The following ADARB2 variants were observed in gnomAD, a reference collection of about 807,000 sequenced individuals.
ADARB2 encodes inactive double-stranded RNA-specific editase B2.
In ADARB2, 25 loss-of-function variants were observed where a neutral mutation model predicts 62.2. The observed-to-expected ratio is 0.40, with a 90% CI of 0.29 to 0.56. The LOEUF (loss-of-function observed/expected upper bound fraction) is 0.56. Ranked by LOEUF, ADARB2 falls within the 20% of genes least tolerant of loss-of-function variation. ADARB2 has a pLI of 0.43. For missense variants in ADARB2, 1,071 were observed against 1,077.4 expected (o/e 0.99, Z 0.08); for synonymous variants, 572 against 500.8 (o/e 1.14, Z -1.90).
In ADARB2 at chr10:1,661,337, C is replaced by T. The variant is rs189684570; in HGVS notation, c.100+75714G>A. 3.4e-4 allele frequency among the ~76,000 whole-genome samples: 52 copies of T among 152,276 alleles called. No homozygotes were observed. In the East Asian group the frequency reaches 5.6e-3, roughly 16 times the overall value. On this transcript the variant is annotated intron_variant, in intron 1 of 9. Transcript: ENST00000381312. ...TAGCTAGAGGGAGGGTGGGTTTCCA[C>T]GGTTTCCTGAGTCACAGATGGCCTA...
intron 1 of ADARB2, chr10:1,678,439 T>G: frequency 1.4e-6 from 1 of 695,182 alleles, no homozygotes; most frequent in Non-Finnish European, 1.8e-6. Flanking sequence ...CTCAGGACAG[T>G]AACGAACACA....
At chr10:1,632,100 T>G (rs887579336) in intron 1 of ADARB2, among the ~76,000 whole-genome samples, 1 of 152,246 alleles carries the variant, frequency 6.6e-6, no homozygotes, top group African/African-American at 2.4e-5. Context: ...TGTTTTTAGC[T>G]AATATTTAAG....
rs528142698 is a variant in ADARB2 at position 1,387,817 on chromosome 10, A to G, written c.101-8657T>C. On this transcript the variant is annotated intron_variant, in intron 1 of 9. Coordinates refer to ENST00000381312, the MANE Select transcript of ADARB2 (RefSeq NM_018702.4). The stretch of plus-strand genomic sequence containing the variant: ...TATAAGAAAAAAAACCTACAGACCC[A>G]TGGTCCTCACGAGCAGATGAGTTTT... 2.6e-5 allele frequency among the ~76,000 whole-genome samples: 4 copies of G among 152,156 alleles called. No individual in the cohort carries two copies. In the East Asian group the frequency reaches 7.7e-4, roughly 29 times the overall value.
chr10:1,243,631 A>C (rs780319667), intron 4 of ADARB2, among the ~76,000 whole-genome samples: 1 of 152,214 alleles, frequency 6.6e-6, no homozygotes, highest in Non-Finnish European at 1.5e-5. Context: ...AGCAGCTACC[A>C]GTGACAGCCA....
At chr10:1,273,609 C>CCTGTGCCCCGCCTGT (rs1284436511) in intron 3 of ADARB2, among the ~76,000 whole-genome samples, 3 of 152,224 alleles carry the variant, frequency 2.0e-5, no homozygotes, top group Admixed American at 6.5e-5. Flanking sequence ...GTGCCCCCCA[C>CCTGTGCCCCGCCTGT]GACCTTGCAC....
At chr10:1,696,831 T>G (rs1183428018) in intron 1 of ADARB2, among the ~76,000 whole-genome samples, 2 of 152,164 alleles carry the variant, frequency 1.3e-5, no homozygotes, top group Non-Finnish European at 2.9e-5. Flanking sequence ...CTGTACTCCC[T>G]TCCTTGGTCC....
intron 1 of ADARB2, among the ~76,000 whole-genome samples, chr10:1,457,012 G>C (rs371123597): frequency 7.3e-6 from 1 of 137,860 alleles, no homozygotes; most frequent in Non-Finnish European, 1.6e-5. Context: ...TGCCCGCCTC[G>C]GCCTCCCAAA....
At chr10:1,440,708 T>A (rs1442762328) in intron 1 of ADARB2, among the ~76,000 whole-genome samples, 1 of 152,228 alleles carries the variant, frequency 6.6e-6, no homozygotes, top group Non-Finnish European at 1.5e-5. Flanking sequence ...CAAGATAAGC[T>A]ATGAGCCAAG....
intron 3 of ADARB2, among the ~76,000 whole-genome samples, chr10:1,309,716 C>A (rs963038240): frequency 3.9e-5 from 6 of 152,224 alleles, no homozygotes; most frequent in Non-Finnish European, 1.5e-5. Flanking sequence ...AGAATCCAGG[C>A]TGGTGGGGCT....
chr10:1,408,012 C>T (rs1832721323), intron 1 of ADARB2, among the ~76,000 whole-genome samples: 1 of 152,012 alleles, frequency 6.6e-6, no homozygotes, highest in South Asian at 2.1e-4. Context: ...TGTCACACAC[C>T]CCACCTTCCA....
intron 3 of ADARB2, among the ~76,000 whole-genome samples, chr10:1,312,418 G>C (rs1048655857): frequency 2.6e-5 from 4 of 152,220 alleles, no homozygotes; most frequent in African/African-American, 9.6e-5. Context: ...GCTGTGGCCT[G>C]AATGTGAGTT....
At chr10:1,391,219 C>T (rs938942968) in intron 1 of ADARB2, among the ~76,000 whole-genome samples, 2 of 152,142 alleles carry the variant, frequency 1.3e-5, no homozygotes, top group African/African-American at 4.8e-5. Context: ...AAAGAAAACA[C>T]CTAAAGCTCC....
rs1038975093 is a variant in ADARB2 at position 1,181,027 on chromosome 10, C to G, written c.*2166G>C. 4.6e-5 allele frequency: 7 copies of G among 152,268 alleles called. No individual in the cohort carries two copies. The highest frequency in any genetic ancestry group is 1.7e-4 in the African/African-American group (7 of 41,472). 9.4% of individuals were successfully genotyped at this position (152,268 alleles called of 1,614,324 possible). A position where few individuals can be genotyped will look rare whatever the true frequency, so the allele number is the denominator to read the frequency against. On this transcript the variant is annotated 3_prime_UTR_variant, in exon 10 of 10. Coordinates refer to ENST00000381312, the MANE Select transcript of ADARB2 (RefSeq NM_018702.4). ...CTTTCCGAGTCCCGTGAATCAGACC[C>G]TGCGTCTTCCCTGTGACAGTGAAAT...
At chr10:1,227,228 G>A (rs1018839050) in intron 6 of ADARB2, among the ~76,000 whole-genome samples, 1 of 152,238 alleles carries the variant, frequency 6.6e-6, no homozygotes, top group African/African-American at 2.4e-5. Flanking sequence ...ATAATCTCCT[G>A]GTATGCCATT....
intron 3 of ADARB2, among the ~76,000 whole-genome samples, chr10:1,301,196 GT>G (rs2131817344): frequency 6.6e-6 from 1 of 152,308 alleles, no homozygotes; most frequent in Admixed American, 6.5e-5. Context: ...GGTCCACACG[GT>G]TATGGACTCT....
intron 1 of ADARB2, among the ~76,000 whole-genome samples, chr10:1,417,780 G>A (rs369662300): frequency 4.6e-5 from 7 of 152,194 alleles, no homozygotes; most frequent in African/African-American, 1.7e-4. Context: ...GTGCTTCTTA[G>A]GGTGTGCCAT....
intron 1 of ADARB2, among the ~76,000 whole-genome samples, chr10:1,412,264 G>A (rs1832765927): frequency 1.3e-5 from 2 of 152,254 alleles, no homozygotes; most frequent in South Asian, 4.1e-4. Context: ...AAACCCTCGG[G>A]TCTTTAAAAG....
At position 1,222,224 on chromosome 10, in the gene ADARB2, A is replaced by C. The variant is rs183285229; in HGVS notation, c.1514-5105T>G. Among the ~76,000 whole-genome samples, 1,130 of 152,266 alleles carry C rather than the reference A, an allele frequency of 7.4e-3. 8 individuals are homozygous for C. The highest frequency in any genetic ancestry group is 0.02 in the Middle Eastern group (6 of 294). On this transcript the variant is annotated intron_variant, in intron 6 of 9. Transcript: ENST00000381312. Reference sequence around the variant, plus strand: ...GCTGCATAAATGTCTTTTTTTGAGAAGTGTTTGTTCATATCCTTCGCCCAC... The same window carrying C: ...GCTGCATAAATGTCTTTTTTTGAGACGTGTTTGTTCATATCCTTCGCCCAC...
chr10:1,248,500 G>T (rs527956559), intron 4 of ADARB2, among the ~76,000 whole-genome samples: 2 of 152,260 alleles, frequency 1.3e-5, no homozygotes, highest in African/African-American at 2.4e-5. Flanking sequence ...GTTCCCAGGC[G>T]TGTAGGCTTC....
Sources: allele counts gnomAD v4.1 joint callset (sites outside exome capture counted in the v4.1 genomes callset), GRCh38; gene constraint gnomAD v4.1.1; transcripts MANE v1.5; gene names NCBI Gene and HGNC (gene_info 2026-07-23, HGNC 2026-07-21).